NCKAP5: variants seen among roughly 807,000 people sequenced by gnomAD.
NCKAP5 encodes the protein NCK associated protein 5.
In NCKAP5, 92 loss-of-function variants were observed where a neutral mutation model predicts 167.0. The observed-to-expected ratio is 0.55, with a 90% CI of 0.47 to 0.66. NCKAP5 has a LOEUF of 0.66. Among genes scored for constraint, NCKAP5 ranks in the 30% least tolerant of loss-of-function variants. NCKAP5 has a pLI of 0.00. For missense variants in NCKAP5, 2,378 were observed against 2,315.0 expected (o/e 1.03, Z -0.56); for synonymous variants, 891 against 877.4 (o/e 1.02, Z -0.27).
the NCKAP5 span, among the ~76,000 whole-genome samples, chr2:133,591,132 T>A: frequency 6.6e-6 from 1 of 152,016 alleles, no homozygotes; most frequent in Non-Finnish European, 1.5e-5. Context: ...AACCAGTGAG[T>A]GCGGGGAGAG....
intron 6 of NCKAP5, among the ~76,000 whole-genome samples, chr2:133,108,699 C>T (rs1459628146): frequency 1.3e-5 from 2 of 152,200 alleles, no homozygotes; most frequent in Admixed American, 1.3e-4. Flanking sequence ...CTCCCTTTCT[C>T]TCACTCTCCA....
At chr2:133,355,677 G>A (rs1192872700) in intron 3 of NCKAP5, among the ~76,000 whole-genome samples, 1 of 151,820 alleles carries the variant, frequency 6.6e-6, no homozygotes, top group Non-Finnish European at 1.5e-5. Flanking sequence ...ACATACCTGG[G>A]AAAAATCAAC....
At chr2:133,221,186 A>G (rs2086648737) in intron 4 of NCKAP5, among the ~76,000 whole-genome samples, 2 of 152,196 alleles carry the variant, frequency 1.3e-5, no homozygotes, top group African/African-American at 4.8e-5. Context: ...ACATGCTTAC[A>G]TATGAATTTA....
Position 132,764,937 on chromosome 2 carries a change from T to C in NCKAP5, c.5128+8879A>G, listed in dbSNP as rs187591989. Among the ~76,000 whole-genome samples the C allele has an allele frequency of 2.0e-5, 3 of 152,340 alleles. No homozygotes were observed. In the East Asian group the frequency reaches 5.8e-4, roughly 29 times the overall value. On this transcript the variant is annotated intron_variant, in intron 16 of 19. Coordinates refer to ENST00000409261, the MANE Select transcript of NCKAP5 (RefSeq NM_207363.3). ...TCTTCAAATCTTCTTGGTGAGGAAA[T>C]TGGTAATATTCTTGAAATGAGACAG...
At chr2:132,839,497 A>G (rs1688137169) in intron 11 of NCKAP5, among the ~76,000 whole-genome samples, 1 of 152,196 alleles carries the variant, frequency 6.6e-6, no homozygotes, top group Non-Finnish European at 1.5e-5. Context: ...GCAACAGCTC[A>G]TGCCTGTAAT....
intron 8 of NCKAP5, among the ~76,000 whole-genome samples, chr2:132,942,241 T>C (rs1697353525): frequency 6.6e-6 from 1 of 152,214 alleles, no homozygotes; most frequent in Admixed American, 6.5e-5. Context: ...TTATTAGCGG[T>C]AATTATACAT....
chr2:132,849,302 A>G (rs1688906886), intron 11 of NCKAP5, among the ~76,000 whole-genome samples: 1 of 151,958 alleles, frequency 6.6e-6, no homozygotes, highest in South Asian at 2.1e-4. Flanking sequence ...GGCATTTCCA[A>G]CTCCTGCTTA....
At chr2:133,153,763 C>T (rs1167204483) in intron 5 of NCKAP5, among the ~76,000 whole-genome samples, 4 of 143,114 alleles carry the variant, frequency 2.8e-5, no homozygotes, top group African/African-American at 7.8e-5. Context: ...CCAACACACC[C>T]CTAATCGCCT....
chr2:133,356,256 A>G (rs1402875351), intron 3 of NCKAP5, among the ~76,000 whole-genome samples: 1 of 152,190 alleles, frequency 6.6e-6, no homozygotes, highest in Non-Finnish European at 1.5e-5. Flanking sequence ...CTCAAATCCC[A>G]TCTCAGACCT....
chr2:133,257,469 A>G (rs938782778), intron 4 of NCKAP5, among the ~76,000 whole-genome samples: 1 of 151,964 alleles, frequency 6.6e-6, no homozygotes, highest in South Asian at 2.1e-4. Context: ...TCATAAATAT[A>G]TAAGAAAACT....
At chr2:133,127,724 C>T (rs2082448847) in intron 6 of NCKAP5, among the ~76,000 whole-genome samples, 1 of 152,162 alleles carries the variant, frequency 6.6e-6, no homozygotes. Flanking sequence ...GCCATTAAAA[C>T]AACCAATATT....
chr2:133,297,165 CAGTGTGTGTGTGTG>C (rs1370325322), intron 4 of NCKAP5, among the ~76,000 whole-genome samples: 3 of 122,268 alleles, frequency 2.5e-5, no homozygotes, highest in East Asian at 4.5e-4. Context: ...CAGGTTGTCA[CAGTGTGTGTGTGTG>C]TGTGTGTGTG....
At chr2:132,979,205 A>G (rs1214421269) in intron 7 of NCKAP5, among the ~76,000 whole-genome samples, 11 of 152,238 alleles carry the variant, frequency 7.2e-5, no homozygotes, top group Admixed American at 5.2e-4. Context: ...AAGCTCAGTT[A>G]GCAGGCACCA....
intron 11 of NCKAP5, among the ~76,000 whole-genome samples, chr2:132,845,285 CA>C (rs1688579992): frequency 6.6e-6 from 1 of 152,052 alleles, no homozygotes; most frequent in African/African-American, 2.4e-5. Context: ...TTTGATCAAC[CA>C]AAATTTTAAA....
intron 3 of NCKAP5, among the ~76,000 whole-genome samples, chr2:133,314,955 T>C (rs1008411755): frequency 3.3e-5 from 5 of 152,104 alleles, no homozygotes; most frequent in Non-Finnish European, 5.9e-5. Context: ...GGGGCAGGAA[T>C]GTGTGCCGGC....
intron 5 of NCKAP5, among the ~76,000 whole-genome samples, chr2:133,142,624 C>T (rs75443573): frequency 0.044 from 6,630 of 152,204 alleles, 472 homozygotes; most frequent in African/African-American, 0.15. Flanking sequence ...TATTTTTCCA[C>T]ATGGACACAT....
intron 6 of NCKAP5, among the ~76,000 whole-genome samples, chr2:133,061,099 C>T (rs185714134): frequency 1.5e-3 from 225 of 151,734 alleles, no homozygotes; most frequent in African/African-American, 5.3e-3. Context: ...ACAAAAAAAC[C>T]TATTTATATA....
chr2:133,521,134 C>T (rs1000684082), intron 2 of NCKAP5, among the ~76,000 whole-genome samples: 2 of 152,164 alleles, frequency 1.3e-5, no homozygotes, highest in Non-Finnish European at 2.9e-5. Flanking sequence ...TTCCATTGAT[C>T]GCACTATTGG....
chr2:132,785,176 G>C lies in NCKAP5; in HGVS notation c.1635C>G (p.Pro545=), dbSNP rs760445993. The stretch of plus-strand genomic sequence containing the variant: ...CACTTGGGCACAGCTTCATCTCTAA[G>C]GGACAGCTGCTGGCGCAACTTGTCA... ...EKLTSCASSC[P]LEMKLCPSVQ... The change falls in exon 14 of 20, where the codon CCC becomes CCG. Residue 545 remains proline (P), a synonymous_variant. Coordinates refer to ENST00000409261, the MANE Select transcript of NCKAP5 (RefSeq NM_207363.3). 46 of 1,589,452 alleles carry C rather than the reference G, an allele frequency of 2.9e-5. No individual in the cohort carries two copies. The highest frequency in any genetic ancestry group is 3.8e-5 in the Non-Finnish European group (44 of 1,169,640).
Sources: gnomAD v4.1 joint callset for allele counts (sites outside exome capture counted in the v4.1 genomes callset) on GRCh38, gnomAD v4.1.1 for gene constraint, MANE v1.5 for transcripts, NCBI Gene and HGNC (gene_info 2026-07-23, HGNC 2026-07-21) for gene names.